ATM: variants seen among roughly 807,000 people sequenced by gnomAD.
ATM encodes ATM serine/threonine kinase.
In ATM, 308 loss-of-function variants were observed where a neutral mutation model predicts 387.0. That is an observed-to-expected ratio of 0.80 (90% CI 0.73 to 0.87). The LOEUF (loss-of-function observed/expected upper bound fraction) is 0.87. Among genes scored for constraint, ATM ranks in the 40% least tolerant of loss-of-function variants. The pLI is 0.00. For missense variants in ATM, 3,312 were observed against 3,560.9 expected (o/e 0.93, Z 1.78); for synonymous variants, 1,156 against 1,187.3 (o/e 0.97, Z 0.54).
rs563140198 is a variant in ATM at position 108,273,331 on chromosome 11, C to CTTTTTTTTTTTTT, written c.3284+494_3284+506dup. On this transcript the variant is annotated intron_variant, in intron 22 of 62. Transcript: ENST00000675843. ...GGAATAAACATATATTAATTTCATT[C>CTTTTTTTTTTTTT]TTTTTTTTTTTTTTTTTTTTTTTTT... Among the ~76,000 whole-genome samples, 77 of 80,658 alleles carry CTTTTTTTTTTTTT rather than the reference C, an allele frequency of 9.5e-4. 8 individuals carry two copies. The highest frequency in any genetic ancestry group is 4.2e-3 in the African/African-American group (74 of 17,516). The allele number at this position is 80,658 out of a possible 152,430, so 52.9% of individuals were successfully genotyped here. A position where few individuals can be genotyped will look rare whatever the true frequency, so the allele number is the denominator to read the frequency against.
At chr11:108,323,055 G>A (rs998453391) in intron 45 of ATM, among the ~76,000 whole-genome samples, 2 of 152,046 alleles carry the variant, frequency 1.3e-5, no homozygotes, top group African/African-American at 2.4e-5. Context: ...ATTATTATAC[G>A]AGGGAAGAAA....
intron 37 of ATM, among the ~76,000 whole-genome samples, chr11:108,305,084 C>T (rs996812751): frequency 2.0e-5 from 3 of 152,170 alleles, no homozygotes; most frequent in Non-Finnish European, 4.4e-5. Flanking sequence ...TCCCTCAGTA[C>T]ATTTTGGCTA....
chr11:108,284,610 C>A (rs1462029930), intron 26 of ATM, 137 bp downstream of exon 26: 11 of 1,196,390 alleles, frequency 9.2e-6, no homozygotes, highest in Non-Finnish European at 1.3e-5. Context: ...TCTAGCATAG[C>A]CAACCCATGA....
chr11:108,315,232 C>G (rs2084516808), intron 40 of ATM, among the ~76,000 whole-genome samples: 1 of 152,180 alleles, frequency 6.6e-6, no homozygotes, highest in Admixed American at 6.5e-5. Context: ...ACAGTAGCAA[C>G]TGAGGTAGCT....
intron 56 of ATM, 74 bp downstream of exon 56, chr11:108,336,035 GC>G (rs776105166): frequency 4.8e-5 from 56 of 1,155,812 alleles, no homozygotes; most frequent in Non-Finnish European, 7.1e-5. Context: ...AGTGGCTCAT[GC>G]CCATATTCAT....
intron 15 of ATM, 91 bp from the exon 16 acceptor site, chr11:108,258,895 A>ACATTC: frequency 1.0e-6 from 1 of 1,003,440 alleles, no homozygotes; most frequent in South Asian, 1.3e-5. Flanking sequence ...CTATTTATCT[A>ACATTC]CATTCCATTC....
chr11:108,363,786 A>G (rs1171631412), intron 61 of ATM, among the ~76,000 whole-genome samples: 3 of 152,176 alleles, frequency 2.0e-5, no homozygotes, highest in East Asian at 3.8e-4. Flanking sequence ...CTTAATTCTA[A>G]TATTTGCAAG....
intron 1 of ATM, chr11:108,225,336 G>C (rs1438688544): frequency 6.6e-6 from 1 of 152,216 alleles, no homozygotes; most frequent in East Asian, 1.9e-4. Flanking sequence ...ATAACAATCT[G>C]TAATCTATAG....
chr11:108,303,625 A>T (rs1228041246), intron 36 of ATM, among the ~76,000 whole-genome samples: 2 of 152,212 alleles, frequency 1.3e-5, no homozygotes, highest in Admixed American at 1.3e-4. Flanking sequence ...TGCTGATTAC[A>T]GATAACTGAT....
intron 26 of ATM, among the ~76,000 whole-genome samples, chr11:108,286,746 A>G (rs1240325687): frequency 1.3e-5 from 2 of 152,160 alleles, no homozygotes; most frequent in African/African-American, 4.8e-5. Context: ...CCCTGCCTCC[A>G]GACCTTATTG....
chr11:108,354,897 CTTTA>C, intron 61 of ATM, 23 bp downstream of exon 61: 1 of 1,595,116 alleles, frequency 6.3e-7, no homozygotes, highest in Non-Finnish European at 8.6e-7. Context: ...ATAAGGAAGA[CTTTA>C]TTTTTTTTCT....
rs753806542 is a variant in ATM, at chr11:108,244,046, G to T, written c.590G>T (p.Gly197Val). ...AGAATAATTCATGCTGTTACCAAAG[G>T]ATGCTGTTCTCAGACTGACGGATTA... ...VARIIHAVTK[G>V]CCSQTDGLNS... is the part of the protein sequence containing the mutation. Residue 197 changes from glycine to valine, a missense_variant, in exon 6 of 63, where the codon GGA becomes GTA. Gly to Val is a moderately radical substitution (Grantham distance 109). Coordinates refer to ENST00000675843, the MANE Select transcript of ATM (RefSeq NM_000051.4). The T allele has an allele frequency of 2.5e-6, 4 of 1,613,490 alleles. No individual in the cohort carries two copies. Among genetic ancestry groups the T allele is most frequent in the Non-Finnish European group, 3.4e-6 (4 of 1,179,820 alleles).
chr11:108,261,369 G>A (rs1357045019), intron 16 of ATM, among the ~76,000 whole-genome samples: 1 of 152,186 alleles, frequency 6.6e-6, no homozygotes, highest in Non-Finnish European at 1.5e-5. Context: ...CCCAGCAGGG[G>A]CACACTGACA....
chr11:108,358,236 G>A (rs954229945), intron 61 of ATM, among the ~76,000 whole-genome samples: 41 of 151,058 alleles, frequency 2.7e-4, no homozygotes, highest in African/African-American at 8.6e-4. Context: ...GAGAAGGGAA[G>A]TTCAGAGAAA....
At chr11:108,335,785 C>G in intron 55 of ATM, 60 bp from the exon 56 acceptor site, 1 of 1,374,990 alleles carries the variant, frequency 7.3e-7, no homozygotes, top group East Asian at 2.3e-5. Context: ...TCTCAGATGA[C>G]TCTGTGTTTT....
chr11:108,355,622 T>C (rs114639032), intron 61 of ATM: 2 of 152,288 alleles, frequency 1.3e-5, no homozygotes, highest in Non-Finnish European at 2.9e-5. Flanking sequence ...ACTCAGCTTT[T>C]CTTCCTTTAA....
At chr11:108,228,014 A>G (rs2135018818) in intron 3 of ATM, 126 bp downstream of exon 3, 1 of 774,630 alleles carries the variant, frequency 1.3e-6, no homozygotes, top group Non-Finnish European at 2.0e-6. Flanking sequence ...TATGCCTTGC[A>G]TATGAATTTG....
intron 7 of ATM, among the ~76,000 whole-genome samples, chr11:108,245,756 C>CT (rs1478693904): frequency 6.6e-6 from 1 of 151,026 alleles, no homozygotes; most frequent in Admixed American, 6.6e-5. Context: ...AGTATAGTGA[C>CT]TTTCTTAAAA....
intron 9 of ATM, 74 bp downstream of exon 9, chr11:108,249,176 G>A: frequency 6.5e-7 from 1 of 1,543,072 alleles, no homozygotes; most frequent in Non-Finnish European, 8.9e-7. Flanking sequence ...ACTTTCAGTG[G>A]AATCCTTTCA....
Sources: allele counts gnomAD v4.1 joint callset (sites outside exome capture counted in the v4.1 genomes callset), GRCh38; gene constraint gnomAD v4.1.1; transcripts MANE v1.5; gene names NCBI Gene and HGNC (gene_info 2026-07-23, HGNC 2026-07-21).